The following KCNIP3 variants were observed in gnomAD, a reference collection of about 807,000 sequenced individuals.
KCNIP3 encodes the protein potassium voltage-gated channel interacting protein 3, also known as calsenilin.
A neutral mutation model predicts 35.0 loss-of-function variants in KCNIP3; 28 were observed. That is an observed-to-expected ratio of 0.80 (90% CI 0.59 to 1.10). KCNIP3 has a LOEUF of 1.10. KCNIP3 is among the 50% of genes least tolerant of loss of function. KCNIP3 has a pLI of 0.00. For missense variants in KCNIP3, 295 were observed against 338.4 expected (o/e 0.87, Z 1.01); for synonymous variants, 134 against 133.8 (o/e 1.00, Z -0.01).
At chr2:95,374,467 C>G in intron 3 of KCNIP3, 47 bp downstream of exon 3, 1 of 1,598,980 alleles carries the variant, frequency 6.3e-7, no homozygotes, top group Non-Finnish European at 8.5e-7. Context: ...GACCCTGGCT[C>G]AGGGAGACCT....
intron 2 of KCNIP3, among the ~76,000 whole-genome samples, chr2:95,332,681 G>T (rs987428339): frequency 4.6e-5 from 7 of 152,198 alleles, no homozygotes. Context: ...CATTTGGGGA[G>T]TACTAGTCAT....
At chr2:95,360,808 A>G (rs1679781915) in intron 2 of KCNIP3, among the ~76,000 whole-genome samples, 1 of 152,244 alleles carries the variant, frequency 6.6e-6, no homozygotes, top group Non-Finnish European at 1.5e-5. Context: ...CACCACTGTG[A>G]TAATGGTATT....
chr2:95,372,350 A>G (rs773601927), intron 2 of KCNIP3, among the ~76,000 whole-genome samples: 1 of 152,124 alleles, frequency 6.6e-6, no homozygotes, highest in Non-Finnish European at 1.5e-5. Context: ...TCTCCTGCCA[A>G]AAATGCTGTT....
intron 2 of KCNIP3, among the ~76,000 whole-genome samples, chr2:95,357,916 C>T (rs3821340): frequency 0.42 from 63,530 of 152,078 alleles, 16,662 homozygotes; most frequent in Non-Finnish European, 0.57. Flanking sequence ...GTGTGTCAGG[C>T]ACAGGCCGTG....
At chr2:95,366,439 T>C (rs775727183) in intron 2 of KCNIP3, among the ~76,000 whole-genome samples, 12 of 152,130 alleles carry the variant, frequency 7.9e-5, no homozygotes, top group Non-Finnish European at 1.5e-4. Flanking sequence ...CACTCACCAG[T>C]TGGAGGGCAT....
At chr2:95,304,514 C>T (rs1678122414) in intron 1 of KCNIP3, among the ~76,000 whole-genome samples, 1 of 152,054 alleles carries the variant, frequency 6.6e-6, no homozygotes, top group African/African-American at 2.4e-5. Context: ...CTCCCCACTG[C>T]CAGAGACCTC....
In KCNIP3 at chr2:95,377,348, C is replaced by T. The variant is rs1680230083; in HGVS notation, c.447+2140C>T. The stretch of plus-strand genomic sequence containing the variant: ...CTCTGTTACCTCCCCCGACAGTAAA[C>T]TGCTCCATGTGCCAGTGGCCAAGCG... On this transcript the variant is annotated intron_variant, in intron 5 of 8. Coordinates refer to ENST00000295225, the MANE Select transcript of KCNIP3 (RefSeq NM_013434.5). This position sits in a 1 kb window ranked among gnomAD's most constrained non-coding sequence, Gnocchi z 4.7. Among the ~76,000 whole-genome samples the T allele has an allele frequency of 6.6e-6, 1 of 152,230 alleles. No individual in the cohort carries two copies. Among genetic ancestry groups the T allele is most frequent in the Admixed American group, 6.5e-5 (1 of 15,288 alleles).
chr2:95,375,434 TGA>T (rs748956673), intron 5 of KCNIP3, among the ~76,000 whole-genome samples: 3 of 151,872 alleles, frequency 2.0e-5, no homozygotes, highest in Non-Finnish European at 4.4e-5. Context: ...TTCTTCCATT[TGA>T]GAGTTTGCAT....
chr2:95,342,186 G>A (rs893351634), intron 2 of KCNIP3, among the ~76,000 whole-genome samples: 15 of 152,104 alleles, frequency 9.9e-5, no homozygotes, highest in African/African-American at 2.9e-4. Flanking sequence ...GGAGGGGCCC[G>A]GCCATGGGGG....
chr2:95,382,497 C>T lies in KCNIP3; in HGVS notation c.660+16C>T. On this transcript the variant is annotated intron_variant, in intron 7 of 8. Coordinates refer to ENST00000295225, the MANE Select transcript of KCNIP3 (RefSeq NM_013434.5). The surrounding 1 kb of genome is among the most constrained non-coding windows in gnomAD (Gnocchi z 4.5). ...GTTCTTCGAGGTGAGCGAGCGCCAG[C>T]CCTGCCTAGGGAGGGGAGCCTGGCA... 1.3e-6 allele frequency: 2 copies of T among 1,572,758 alleles called. No individual in the cohort carries two copies. Among genetic ancestry groups the T allele is most frequent in the Non-Finnish European group, 1.7e-6 (2 of 1,157,062 alleles).
intron 2 of KCNIP3, among the ~76,000 whole-genome samples, chr2:95,328,740 G>A (rs1437108456): frequency 6.6e-6 from 1 of 152,268 alleles, no homozygotes; most frequent in Non-Finnish European, 1.5e-5. Flanking sequence ...CAGGGAGCCT[G>A]GCCTGAGCAG....
At chr2:95,324,790 A>G (rs1386490837) in intron 2 of KCNIP3, among the ~76,000 whole-genome samples, 3 of 151,712 alleles carry the variant, frequency 2.0e-5, no homozygotes, top group Non-Finnish European at 2.9e-5. Flanking sequence ...GGGCGCCTGT[A>G]GTCCCAGCTA....
At chr2:95,333,845 C>T (rs1283863343) in intron 2 of KCNIP3, among the ~76,000 whole-genome samples, 1 of 152,178 alleles carries the variant, frequency 6.6e-6, no homozygotes, top group African/African-American at 2.4e-5. Context: ...TCACTCCTGC[C>T]CAGCACCCTG....
At chr2:95,300,594 T>G (rs1169623037) in intron 1 of KCNIP3, among the ~76,000 whole-genome samples, 4 of 151,422 alleles carry the variant, frequency 2.6e-5, no homozygotes, top group Admixed American at 2.6e-4. Context: ...GGGCACAGCA[T>G]GGGGCGAGTC....
Position 95,376,473 on chromosome 2 carries a change from G to A in KCNIP3, c.447+1265G>A, listed in dbSNP as rs1680196004. 6.6e-6 allele frequency among the ~76,000 whole-genome samples: 1 copy of A among 152,220 alleles called. No homozygotes were observed. The highest frequency in any genetic ancestry group is 2.4e-5 in the African/African-American group (1 of 41,466). On this transcript the variant is annotated intron_variant, in intron 5 of 8. Transcript: ENST00000295225. The surrounding 1 kb of genome is among the most constrained non-coding windows in gnomAD (Gnocchi z 4.2). ...CGCTGTCCTGAGGGACAGCCTTGTGGCCCTTTAAGGAAGCAGGTGGCAGCC... is the reference window on the plus strand; with the variant it reads ...CGCTGTCCTGAGGGACAGCCTTGTGACCCTTTAAGGAAGCAGGTGGCAGCC...
chr2:95,366,987 T>G (rs974084209), intron 2 of KCNIP3, among the ~76,000 whole-genome samples: 3 of 152,166 alleles, frequency 2.0e-5, no homozygotes, highest in African/African-American at 7.2e-5. Flanking sequence ...GCTTACCTTT[T>G]TATTTAACAA....
chr2:95,349,481 C>T (rs1679457765), intron 2 of KCNIP3, among the ~76,000 whole-genome samples: 1 of 152,216 alleles, frequency 6.6e-6, no homozygotes, highest in Admixed American at 6.5e-5. Flanking sequence ...AAAAAGCCTT[C>T]CTCTCTGCCC....
chr2:95,328,632 G>A (rs549232452), intron 2 of KCNIP3, among the ~76,000 whole-genome samples: 98 of 152,372 alleles, frequency 6.4e-4, no homozygotes, highest in African/African-American at 2.3e-3. Flanking sequence ...CCGCCTTCAG[G>A]TCGTCTGTGA....
chr2:95,301,966 C>T (rs528003061), intron 1 of KCNIP3, among the ~76,000 whole-genome samples: 15 of 152,190 alleles, frequency 9.9e-5, no homozygotes, highest in South Asian at 2.1e-4. Flanking sequence ...ATGACAACCT[C>T]GGCTCCCCCG....
Sources: gnomAD v4.1 joint callset for allele counts (sites outside exome capture counted in the v4.1 genomes callset) on GRCh38, gnomAD v4.1.1 for gene constraint, Gnocchi (gnomAD v3.1) non-coding constraint, MANE v1.5 for transcripts, NCBI Gene and HGNC (gene_info 2026-07-23, HGNC 2026-07-21) for gene names.